LINGO2: variants seen among roughly 807,000 people sequenced by gnomAD.
LINGO2 encodes leucine-rich repeat and immunoglobulin-like domain-containing nogo receptor-interacting protein 2.
A neutral mutation model predicts 30.6 loss-of-function variants in LINGO2; 14 were observed. That is an observed-to-expected ratio of 0.46 (90% CI 0.30 to 0.72). LINGO2 has a LOEUF of 0.72. LINGO2 is among the 30% of genes least tolerant of loss of function. The pLI is 0.07. For synonymous variants in LINGO2, 317 were observed against 288.5 expected, an observed-to-expected ratio of 1.10 and a Z score of -1.00; for missense variants, 729 against 751.7, an observed-to-expected ratio of 0.97 and a Z score of 0.35.
rs117097608 is a variant in LINGO2 at position 28,110,139 on chromosome 9, T to A, written c.-86-97734A>T. ...CAACAAACTTGACAAAAACAAGCAA[T>A]GGGGAAAAATTTCCCTATTTAATAA... On this transcript the variant is annotated intron_variant, in intron 4 of 5. Transcript: ENST00000379992. 1.9e-3 allele frequency among the ~76,000 whole-genome samples: 285 copies of A among 152,260 alleles called. 6 individuals are homozygous for A. In the South Asian group the frequency reaches 0.041, roughly 22 times the overall value.
At chr9:29,065,122 T>A in the LINGO2 span, among the ~76,000 whole-genome samples, 1 of 152,112 alleles carries the variant, frequency 6.6e-6, no homozygotes, top group Non-Finnish European at 1.5e-5. Context: ...CTCTACACAA[T>A]GTCAGTCAAC....
At chr9:27,998,150 A>G (rs865817767) in intron 5 of LINGO2, among the ~76,000 whole-genome samples, 7 of 150,038 alleles carry the variant, frequency 4.7e-5, no homozygotes, top group Non-Finnish European at 8.9e-5. Context: ...CTTGAATCTG[A>G]GCTAGCCTAT....
the LINGO2 span, among the ~76,000 whole-genome samples, chr9:28,923,971 C>G: frequency 6.6e-6 from 1 of 152,170 alleles, no homozygotes; most frequent in Admixed American, 6.5e-5. Context: ...CTCACATGAT[C>G]ATGCTCGGTC....
chr9:28,556,288 T>C (rs1183984638), intron 1 of LINGO2, among the ~76,000 whole-genome samples: 1 of 152,122 alleles, frequency 6.6e-6, no homozygotes, highest in Non-Finnish European at 1.5e-5. Flanking sequence ...GATAAGCAAC[T>C]TCAGCAAAGT....
At chr9:28,503,024 G>A (rs1292562854) in intron 1 of LINGO2, among the ~76,000 whole-genome samples, 1 of 151,988 alleles carries the variant, frequency 6.6e-6, no homozygotes, top group South Asian at 2.1e-4. Context: ...GTTAGTGTTT[G>A]CTATCCTGTT....
chr9:28,581,200 A>G (rs1824240558), intron 1 of LINGO2, among the ~76,000 whole-genome samples: 1 of 151,788 alleles, frequency 6.6e-6, no homozygotes. Flanking sequence ...ATATTCCTAG[A>G]AGTTTCTTAC....
chr9:28,368,972 C>A (rs1435972545), intron 3 of LINGO2, among the ~76,000 whole-genome samples: 2 of 152,150 alleles, frequency 1.3e-5, no homozygotes, highest in African/African-American at 4.8e-5. Context: ...TTACAGAATT[C>A]ACAAAGTATA....
the LINGO2 span, among the ~76,000 whole-genome samples, chr9:29,029,885 T>C: frequency 6.6e-6 from 1 of 151,078 alleles, no homozygotes; most frequent in Admixed American, 6.6e-5. Flanking sequence ...CTGAAAAACA[T>C]ATTGGAAGAC....
rs1355461618 is a variant in LINGO2, at chr9:28,147,703, C to T, written c.-86-135298G>A. Among the ~76,000 whole-genome samples the T allele has an allele frequency of 6.6e-6, 1 of 152,158 alleles. No individual in the cohort carries two copies. The highest frequency in any genetic ancestry group is 1.5e-5 in the Non-Finnish European group (1 of 68,020). On this transcript the variant is annotated intron_variant, in intron 4 of 5. Coordinates refer to ENST00000379992, the Ensembl canonical transcript of LINGO2. This position sits in a 1 kb window ranked among gnomAD's most constrained non-coding sequence, Gnocchi z 4.7. ...CACCCCCAACAGCCCCACGGGGGGG[C>T]CCGTCCAGGGCCACACAACTGCCCC...
At chr9:29,104,918 G>A in the LINGO2 span, among the ~76,000 whole-genome samples, 1 of 152,124 alleles carries the variant, frequency 6.6e-6, no homozygotes, top group Non-Finnish European at 1.5e-5. Context: ...ATTATAAAAT[G>A]TTGTCTCAAA....
chr9:28,211,838 T>C (rs1468093129), intron 4 of LINGO2, among the ~76,000 whole-genome samples: 2 of 151,446 alleles, frequency 1.3e-5, no homozygotes, highest in Non-Finnish European at 3.0e-5. Flanking sequence ...TTACTCTTAC[T>C]TTCCTTTTTC....
chr9:28,576,184 A>G (rs778646072), intron 1 of LINGO2, among the ~76,000 whole-genome samples: 6 of 152,250 alleles, frequency 3.9e-5, no homozygotes, highest in Non-Finnish European at 8.8e-5. Flanking sequence ...GTACGCTCAT[A>G]GAGTCTCAAT....
chr9:28,280,722 G>C (rs986211047), intron 4 of LINGO2, among the ~76,000 whole-genome samples: 3 of 152,128 alleles, frequency 2.0e-5, no homozygotes, highest in African/African-American at 7.2e-5. Flanking sequence ...TCATGGTACT[G>C]TTACCCATTT....
At chr9:28,944,383 C>T in the LINGO2 span, among the ~76,000 whole-genome samples, 24,352 of 142,478 alleles carry the variant, frequency 0.17, 1,989 homozygotes, top group South Asian at 0.21. Context: ...TATCTATCTA[C>T]ATACCTAAAA....
At chr9:28,669,005 A>T (rs936290819) in intron 1 of LINGO2, among the ~76,000 whole-genome samples, 1 of 152,044 alleles carries the variant, frequency 6.6e-6, no homozygotes, top group Non-Finnish European at 1.5e-5. Context: ...GATGCCTTTA[A>T]TTTTTAAAAA....
intron 4 of LINGO2, among the ~76,000 whole-genome samples, chr9:28,248,434 G>A (rs1030858451): frequency 6.6e-6 from 1 of 152,176 alleles, no homozygotes; most frequent in Non-Finnish European, 1.5e-5. Context: ...ACATAGAGAA[G>A]AGAGAAACAG....
At chr9:29,138,868 C>G in the LINGO2 span, among the ~76,000 whole-genome samples, 1 of 152,130 alleles carries the variant, frequency 6.6e-6, no homozygotes, top group Non-Finnish European at 1.5e-5. Context: ...AAATGGCAAC[C>G]ATGATCTCCA....
chr9:28,095,949 G>A (rs1826231201), intron 4 of LINGO2, among the ~76,000 whole-genome samples: 1 of 152,068 alleles, frequency 6.6e-6, no homozygotes, highest in African/African-American at 2.4e-5. Context: ...AGATCAGCCT[G>A]GGCAACATAA....
the LINGO2 span, among the ~76,000 whole-genome samples, chr9:28,819,978 T>C: frequency 1.3e-5 from 2 of 152,076 alleles, no homozygotes; most frequent in Non-Finnish European, 2.9e-5. Flanking sequence ...AATCAAATGG[T>C]CGTATTCTGC....
Sources: allele counts gnomAD v4.1 joint callset (sites outside exome capture counted in the v4.1 genomes callset), GRCh38; gene constraint gnomAD v4.1.1; non-coding constraint Gnocchi (gnomAD v3.1); transcripts MANE v1.5; gene names NCBI Gene and HGNC (gene_info 2026-07-23, HGNC 2026-07-21).